Variants in PTPRT observed in about 807,000 individuals in gnomAD.
The protein encoded by PTPRT is protein tyrosine phosphatase receptor type T, also known as receptor-type tyrosine-protein phosphatase T.
A neutral mutation model predicts 176.8 loss-of-function variants in PTPRT; 56 were observed. The observed-to-expected ratio is 0.32, with a 90% CI of 0.26 to 0.40. The LOEUF is 0.40. Among genes scored for constraint, PTPRT ranks in the 10% least tolerant of loss-of-function variants. The pLI, the probability that PTPRT is intolerant of heterozygous loss-of-function variation, is 1.00. For missense variants in PTPRT, 1,540 were observed against 1,908.2 expected, an observed-to-expected ratio of 0.81 and a Z score of 3.60; for synonymous variants, 783 against 739.0, an observed-to-expected ratio of 1.06 and a Z score of -0.96.
chr20:42,620,991 C>T (rs1411480112), intron 7 of PTPRT, among the ~76,000 whole-genome samples: 3 of 152,186 alleles, frequency 2.0e-5, no homozygotes, highest in Non-Finnish European at 4.4e-5. Flanking sequence ...TTAAAACCAT[C>T]AGATCTCATG....
chr20:42,706,645 G>A (rs2076064596), intron 6 of PTPRT, among the ~76,000 whole-genome samples: 1 of 152,024 alleles, frequency 6.6e-6, no homozygotes, highest in Non-Finnish European at 1.5e-5. Context: ...TATGTGCAAA[G>A]ATCTCATTCT....
At chr20:42,044,581 G>A in the PTPRT span, among the ~76,000 whole-genome samples, 1 of 152,296 alleles carries the variant, frequency 6.6e-6, no homozygotes, top group East Asian at 1.9e-4. Flanking sequence ...GAGGAGGCAG[G>A]AAACCTTATT....
At chr20:43,090,765 G>C (rs1404214418) in intron 1 of PTPRT, among the ~76,000 whole-genome samples, 1 of 151,954 alleles carries the variant, frequency 6.6e-6, no homozygotes, top group Non-Finnish European at 1.5e-5. Flanking sequence ...ACACATGAAA[G>C]ACCATACCAT....
At chr20:42,563,392 C>T (rs1170004329) in intron 7 of PTPRT, among the ~76,000 whole-genome samples, 5 of 152,128 alleles carry the variant, frequency 3.3e-5, no homozygotes, top group Admixed American at 3.3e-4. Flanking sequence ...GAAATTAGAC[C>T]TCTCATATGC....
At chr20:43,065,525 G>C (rs1243815358) in intron 1 of PTPRT, among the ~76,000 whole-genome samples, 2 of 152,214 alleles carry the variant, frequency 1.3e-5, no homozygotes, top group Non-Finnish European at 2.9e-5. Flanking sequence ...AGTGGGGGAG[G>C]GAGTGTCTCA....
intron 3 of PTPRT, among the ~76,000 whole-genome samples, chr20:42,789,004 C>T (rs1264234068): frequency 6.6e-6 from 1 of 152,198 alleles, no homozygotes; most frequent in Non-Finnish European, 1.5e-5. Context: ...AGTTACCTTA[C>T]ATTTTAATTT....
intron 8 of PTPRT, among the ~76,000 whole-genome samples, chr20:42,465,284 G>A (rs1349698894): frequency 1.3e-5 from 2 of 152,080 alleles, no homozygotes; most frequent in Non-Finnish European, 2.9e-5. Flanking sequence ...CTTACTCTGT[G>A]ACTCTTGCAA....
intron 7 of PTPRT, among the ~76,000 whole-genome samples, chr20:42,557,946 GT>G (rs1238494745): frequency 6.6e-6 from 1 of 152,158 alleles, no homozygotes; most frequent in Non-Finnish European, 1.5e-5. Flanking sequence ...TGAATTACTT[GT>G]TTAACTGAAA....
intron 1 of PTPRT, among the ~76,000 whole-genome samples, chr20:42,979,145 AC>A (rs1428566734): frequency 3.9e-5 from 6 of 152,150 alleles, no homozygotes; most frequent in African/African-American, 1.2e-4. Flanking sequence ...TATTTCAGCA[AC>A]TAAAAGGAAA....
rs541771016 is a variant in PTPRT at position 42,512,691 on chromosome 20, T to C, written c.1154-40129A>G. On this transcript the variant is annotated intron_variant, in intron 7 of 30. Transcript: ENST00000373187. ...GTACGTGTTTAATTTATTAAGAAATTAACTAAATGTTTTCAAGCTGACTGC... is the reference window on the plus strand; with the variant it reads ...GTACGTGTTTAATTTATTAAGAAATCAACTAAATGTTTTCAAGCTGACTGC... Among the ~76,000 whole-genome samples, 87 of 152,288 alleles carry C rather than the reference T, an allele frequency of 5.7e-4. 1 individual carries two copies. In the South Asian group the frequency reaches 0.017, roughly 29 times the overall value.
At chr20:43,027,075 T>C (rs1450083621) in intron 1 of PTPRT, among the ~76,000 whole-genome samples, 1 of 152,130 alleles carries the variant, frequency 6.6e-6, no homozygotes, top group Non-Finnish European at 1.5e-5. Flanking sequence ...TTCCTTTCTT[T>C]TGGGTAAATA....
intron 14 of PTPRT, among the ~76,000 whole-genome samples, chr20:42,236,865 C>T (rs965913561): frequency 6.6e-6 from 1 of 152,056 alleles, no homozygotes; most frequent in Non-Finnish European, 1.5e-5. Flanking sequence ...GTGGACTGCC[C>T]TCCCACAGAG....
At chr20:43,084,953 T>C (rs1407111054) in intron 1 of PTPRT, among the ~76,000 whole-genome samples, 1 of 152,208 alleles carries the variant, frequency 6.6e-6, no homozygotes, top group Non-Finnish European at 1.5e-5. Flanking sequence ...AGTAATAACA[T>C]ACCATGAGGT....
chr20:42,749,167 T>C (rs1021505225), intron 6 of PTPRT, among the ~76,000 whole-genome samples: 13 of 152,092 alleles, frequency 8.5e-5, no homozygotes, highest in African/African-American at 3.1e-4. Flanking sequence ...CACACTACTA[T>C]CCATGGCCAT....
intron 1 of PTPRT, among the ~76,000 whole-genome samples, chr20:43,055,187 C>T (rs1987188314): frequency 2.0e-5 from 3 of 152,204 alleles, no homozygotes; most frequent in South Asian, 2.1e-4. Flanking sequence ...CAAGTTGCAC[C>T]GACCCCTGAA....
intron 1 of PTPRT, among the ~76,000 whole-genome samples, chr20:43,131,135 C>G (rs562274347): frequency 2.6e-5 from 4 of 152,340 alleles, no homozygotes; most frequent in Admixed American, 2.0e-4. Context: ...CAAGTACTCC[C>G]AAGTATGCCT....
At chr20:42,436,417 T>C (rs920197442) in intron 9 of PTPRT, among the ~76,000 whole-genome samples, 1 of 152,160 alleles carries the variant, frequency 6.6e-6, no homozygotes, top group African/African-American at 2.4e-5. Context: ...CATGAACAGA[T>C]ATCCCACAGA....
At chr20:42,814,839 A>G (rs1274673225) in intron 2 of PTPRT, among the ~76,000 whole-genome samples, 1 of 152,166 alleles carries the variant, frequency 6.6e-6, no homozygotes, top group Non-Finnish European at 1.5e-5. Flanking sequence ...GCTGAACACC[A>G]ACATTAGTTT....
At chr20:42,691,819 G>T (rs960642643) in intron 6 of PTPRT, among the ~76,000 whole-genome samples, 2 of 152,130 alleles carry the variant, frequency 1.3e-5, no homozygotes, top group Non-Finnish European at 2.9e-5. Context: ...TGGGCTCCAA[G>T]AATAGAATTA....
Sources: allele counts gnomAD v4.1 joint callset (sites outside exome capture counted in the v4.1 genomes callset), GRCh38; gene constraint gnomAD v4.1.1; transcripts MANE v1.5; gene names NCBI Gene and HGNC (gene_info 2026-07-23, HGNC 2026-07-21).